The following JMJD1C variants were observed in gnomAD, a reference collection of about 807,000 sequenced individuals.
The protein encoded by JMJD1C is jumonji domain containing 1C.
A neutral mutation model predicts 245.3 loss-of-function variants in JMJD1C; 31 were observed. The ratio of observed to expected loss-of-function variants is 0.13; its 90% CI spans 0.09 to 0.17. JMJD1C has a LOEUF of 0.17. Ranked by LOEUF, JMJD1C falls within the 10% of genes least tolerant of loss-of-function variation. The probability of loss-of-function intolerance (pLI) is 1.00; values close to 1 mark genes in which losing one functional copy is unlikely to be tolerated. For synonymous variants in JMJD1C, 1,057 were observed against 1,017.4 expected (o/e 1.04, Z -0.74); for missense variants, 2,691 against 3,000.2 (o/e 0.90, Z 2.41).
intron 1 of JMJD1C, among the ~76,000 whole-genome samples, chr10:63,420,936 T>C (rs952506955): frequency 6.6e-6 from 1 of 152,076 alleles, no homozygotes; most frequent in Non-Finnish European, 1.5e-5. Context: ...CATGCATTTT[T>C]GAAAATATTA....
chr10:63,277,038 C>T (rs766395249), intron 2 of JMJD1C, among the ~76,000 whole-genome samples: 25 of 151,236 alleles, frequency 1.7e-4, no homozygotes, highest in South Asian at 6.3e-4. Context: ...CCCACCACCA[C>T]GCCCAGCTAA....
intron 1 of JMJD1C, among the ~76,000 whole-genome samples, chr10:63,490,397 C>A (rs1348520174): frequency 5.3e-5 from 8 of 150,874 alleles, no homozygotes; most frequent in Non-Finnish European, 8.9e-5. Context: ...GCACTTAGCA[C>A]AATCTATAAT....
chr10:63,277,934 G>A lies in JMJD1C; in HGVS notation c.334-13170C>T, dbSNP rs143074946. 2.6e-3 allele frequency among the ~76,000 whole-genome samples: 389 copies of A among 151,296 alleles called. 1 individual carries two copies. The highest frequency in any genetic ancestry group is 8.8e-3 in the African/African-American group (365 of 41,268). Reference sequence around the variant, plus strand: ...CTATTTTTAGTAGAGATGGGGTTTCGCCATGTTGGCCAGGCTGGTCTCCAA... The same window carrying A: ...CTATTTTTAGTAGAGATGGGGTTTCACCATGTTGGCCAGGCTGGTCTCCAA... On this transcript the variant is annotated intron_variant, in intron 2 of 25. Transcript: ENST00000399262.
intron 2 of JMJD1C, among the ~76,000 whole-genome samples, chr10:63,379,335 A>G (rs761113065): frequency 6.6e-6 from 1 of 152,170 alleles, no homozygotes; most frequent in Admixed American, 6.5e-5. Flanking sequence ...AAATATTGCA[A>G]ATTTGTTATA....
chr10:63,251,892 A>G (rs1564685412), intron 3 of JMJD1C, among the ~76,000 whole-genome samples: 3 of 152,140 alleles, frequency 2.0e-5, no homozygotes. Context: ...TGTGCCTGTA[A>G]TCCCAACTAC....
chr10:63,388,099 AG>A (rs1000934971), intron 1 of JMJD1C, among the ~76,000 whole-genome samples: 1 of 152,162 alleles, frequency 6.6e-6, no homozygotes, highest in Non-Finnish European at 1.5e-5. Flanking sequence ...AAACTTCGCA[AG>A]GCTGGCAAAA....
intron 3 of JMJD1C, among the ~76,000 whole-genome samples, chr10:63,256,130 G>C (rs1853885729): frequency 6.6e-6 from 1 of 152,106 alleles, no homozygotes; most frequent in East Asian, 1.9e-4. Flanking sequence ...TTTGGGACCA[G>C]GAAAGAACTA....
chr10:63,215,826 T>C (rs1191803020), intron 5 of JMJD1C, 130 bp from the exon 6 acceptor site: 3 of 590,986 alleles, frequency 5.1e-6, no homozygotes, highest in Non-Finnish European at 2.7e-6. Flanking sequence ...GATGCTGTTA[T>C]AATAATTTGT....
At chr10:63,251,344 T>C (rs1853041283) in intron 3 of JMJD1C, among the ~76,000 whole-genome samples, 1 of 152,180 alleles carries the variant, frequency 6.6e-6, no homozygotes, top group African/African-American at 2.4e-5. Flanking sequence ...CTAAAATAAA[T>C]GCATTGCATT....
At chr10:63,411,660 T>C (rs1280026265) in intron 1 of JMJD1C, among the ~76,000 whole-genome samples, 2 of 146,524 alleles carry the variant, frequency 1.4e-5, no homozygotes, top group South Asian at 2.1e-4. Flanking sequence ...TGGAGTGCAG[T>C]GGCACAACTT....
intron 1 of JMJD1C, among the ~76,000 whole-genome samples, chr10:63,453,579 A>C (rs2616630): frequency 0.14 from 20,793 of 152,206 alleles, 2,088 homozygotes; most frequent in Admixed American, 0.29. Context: ...AATTAGAAAG[A>C]ATTTCTTAAG....
At chr10:63,478,947 A>C (rs1319701607) in intron 1 of JMJD1C, among the ~76,000 whole-genome samples, 1 of 152,208 alleles carries the variant, frequency 6.6e-6, no homozygotes, top group Non-Finnish European at 1.5e-5. Context: ...AACCTCCAAC[A>C]GAATGAGACC....
At chr10:63,403,494 T>TA (rs2132607248) in intron 1 of JMJD1C, among the ~76,000 whole-genome samples, 1 of 152,334 alleles carries the variant, frequency 6.6e-6, no homozygotes, top group East Asian at 1.9e-4. Flanking sequence ...CTTTGAGCCT[T>TA]AGTTTTCAAG....
intron 3 of JMJD1C, chr10:63,222,993 A>C: frequency 1.4e-6 from 2 of 1,406,348 alleles, no homozygotes; most frequent in Non-Finnish European, 2.0e-6. Flanking sequence ...GATCCACTGG[A>C]ATCAGCCAAT....
In JMJD1C at chr10:63,238,854, T is replaced by C. The variant is rs74734715; in HGVS notation, c.448-18871A>G. Among the ~76,000 whole-genome samples, 272 of 152,368 alleles carry C rather than the reference T, an allele frequency of 1.8e-3. 4 individuals carry two copies. The East Asian group carries it at 0.029, about 16-fold the overall frequency. On this transcript the variant is annotated intron_variant, in intron 3 of 25. Coordinates refer to ENST00000399262, the MANE Select transcript of JMJD1C (RefSeq NM_032776.3). Reference sequence around the variant, plus strand: ...TCAACAAGATTTTGAACACCTGGTATCAATTACTGTGCCAAGGCACTGGCA... The same window carrying C: ...TCAACAAGATTTTGAACACCTGGTACCAATTACTGTGCCAAGGCACTGGCA...
chr10:63,455,954 T>A (rs926826656), intron 1 of JMJD1C, among the ~76,000 whole-genome samples: 1 of 152,166 alleles, frequency 6.6e-6, no homozygotes, highest in Admixed American at 6.5e-5. Context: ...CAATATTATA[T>A]TAACTGTAAG....
intron 3 of JMJD1C, among the ~76,000 whole-genome samples, chr10:63,240,119 A>G (rs138677931): frequency 3.3e-5 from 5 of 152,340 alleles, no homozygotes; most frequent in African/African-American, 1.2e-4. Flanking sequence ...CACAGAGAAG[A>G]TGCTTAGTAA....
At chr10:63,314,085 T>A (rs1323593430) in intron 2 of JMJD1C, among the ~76,000 whole-genome samples, 1 of 152,244 alleles carries the variant, frequency 6.6e-6, no homozygotes, top group Non-Finnish European at 1.5e-5. Context: ...CTACTTTGAG[T>A]TGATTTTTGT....
At chr10:63,483,764 T>C (rs1953898699) in intron 1 of JMJD1C, among the ~76,000 whole-genome samples, 1 of 152,210 alleles carries the variant, frequency 6.6e-6, no homozygotes. Flanking sequence ...GAACCCAAAA[T>C]AATGTAATTC....
Sources: allele counts gnomAD v4.1 joint callset (sites outside exome capture counted in the v4.1 genomes callset), GRCh38; gene constraint gnomAD v4.1.1; transcripts MANE v1.5; gene names NCBI Gene and HGNC (gene_info 2026-07-23, HGNC 2026-07-21).